The following DPY19L2 variants were observed in gnomAD, a reference collection of about 807,000 sequenced individuals.
DPY19L2 encodes dpy-19 like 2.
A neutral mutation model predicts 97.9 loss-of-function variants in DPY19L2; 34 were observed. The ratio of observed to expected loss-of-function variants is 0.35; its 90% CI spans 0.26 to 0.46. DPY19L2 has a LOEUF of 0.46. Among genes scored for constraint, DPY19L2 ranks in the 20% least tolerant of loss-of-function variants. DPY19L2 has a pLI of 1.00. For missense variants in DPY19L2, 623 were observed against 911.4 expected, an observed-to-expected ratio of 0.68 and a Z score of 4.07; for synonymous variants, 230 against 307.9, an observed-to-expected ratio of 0.75 and a Z score of 2.65.
intron 11 of DPY19L2, among the ~76,000 whole-genome samples, chr12:63,615,756 C>T (rs1228309122): frequency 6.6e-6 from 1 of 151,962 alleles, no homozygotes; most frequent in Non-Finnish European, 1.5e-5. Flanking sequence ...TAGGGCAGTA[C>T]AAGGGAGTGC....
intron 12 of DPY19L2, among the ~76,000 whole-genome samples, chr12:63,608,166 G>A (rs1294866381): frequency 6.6e-6 from 1 of 152,024 alleles, no homozygotes; most frequent in East Asian, 1.9e-4. Context: ...AATGTTAAAA[G>A]GACAAAAGTA....
At chr12:63,619,155 A>T (rs1315363815) in intron 9 of DPY19L2, among the ~76,000 whole-genome samples, 1 of 152,052 alleles carries the variant, frequency 6.6e-6, no homozygotes, top group Non-Finnish European at 1.5e-5. Context: ...TAAAAAAAAA[A>T]TTGGGCCAGG....
intron 7 of DPY19L2, among the ~76,000 whole-genome samples, chr12:63,624,539 A>G (rs1180514635): frequency 6.6e-6 from 1 of 152,152 alleles, no homozygotes; most frequent in Non-Finnish European, 1.5e-5. Context: ...CACCTAGGTC[A>G]TTTGCAAGCA....
chr12:63,576,887 A>G (rs1879941595), intron 19 of DPY19L2, among the ~76,000 whole-genome samples: 1 of 152,136 alleles, frequency 6.6e-6, no homozygotes, highest in South Asian at 2.1e-4. Flanking sequence ...ATTCAATGCA[A>G]TCCCCATCAA....
At chr12:63,564,482 T>C (rs1877254942) in intron 21 of DPY19L2, among the ~76,000 whole-genome samples, 1 of 152,298 alleles carries the variant, frequency 6.6e-6, no homozygotes, top group East Asian at 1.9e-4. Context: ...TGTTTCTTCT[T>C]GACCATGGAT....
intron 19 of DPY19L2, among the ~76,000 whole-genome samples, chr12:63,571,795 AT>A: frequency 6.6e-6 from 1 of 152,286 alleles, no homozygotes; most frequent in East Asian, 1.9e-4. Flanking sequence ...CTTCCATTTC[AT>A]CTCTTGAAAT....
At position 63,560,657 on chromosome 12, in the gene DPY19L2, C is replaced by A. The variant is rs370595717; in HGVS notation, c.2132G>T (p.Gly711Val). 2.5e-6 allele frequency: 4 copies of A among 1,613,772 alleles called. No individual in the cohort carries two copies. Among genetic ancestry groups the A allele is most frequent in the Non-Finnish European group, 3.4e-6 (4 of 1,179,842 alleles). ...ATCCCAGATTTCAAGCATACTGCAA[C>A]CAGGCCTGAAAAAAGACAGACATAT... ...EAWCVVRTKP[G>V]CSMLEIWDVE... is the part of the protein sequence containing the mutation. Residue 711 changes from glycine to valine, a missense_variant, in exon 22 of 22, where the codon GGT becomes GTT. Physicochemically the swap from Gly to Val is moderately radical, Grantham distance 109. Transcript: ENST00000324472.
chr12:63,572,401 CA>C (rs775008196), intron 19 of DPY19L2, among the ~76,000 whole-genome samples: 56 of 152,090 alleles, frequency 3.7e-4, no homozygotes, highest in Non-Finnish European at 7.5e-4. Flanking sequence ...AGCTCAGCTG[CA>C]GTAGGATAGA....
intron 16 of DPY19L2, among the ~76,000 whole-genome samples, chr12:63,592,743 T>A (rs1407423827): frequency 1.1e-4 from 17 of 150,822 alleles, no homozygotes; most frequent in African/African-American, 3.6e-4. Flanking sequence ...GGACTTCATG[T>A]CTAAAACACC....
chr12:63,659,438 T>C (rs1387252443), intron 4 of DPY19L2, among the ~76,000 whole-genome samples: 3 of 150,828 alleles, frequency 2.0e-5, no homozygotes, highest in Non-Finnish European at 3.0e-5. Flanking sequence ...CCCAGATACA[T>C]GTACAAATCC....
At chr12:63,649,265 G>A (rs189367695) in intron 4 of DPY19L2, among the ~76,000 whole-genome samples, 1 of 152,152 alleles carries the variant, frequency 6.6e-6, no homozygotes, top group East Asian at 1.9e-4. Flanking sequence ...CACACCTAGA[G>A]GAACCAGAAA....
chr12:63,625,837 C>T (rs1889437138), intron 7 of DPY19L2, among the ~76,000 whole-genome samples: 1 of 151,640 alleles, frequency 6.6e-6, no homozygotes, highest in African/African-American at 2.4e-5. Flanking sequence ...ATCTGCTATA[C>T]AACATTGTGT....
At chr12:63,578,407 G>C (rs1279720366) in intron 19 of DPY19L2, among the ~76,000 whole-genome samples, 1 of 152,076 alleles carries the variant, frequency 6.6e-6, no homozygotes, top group African/African-American at 2.4e-5. Context: ...ACAGAAGGGT[G>C]ACTATAGTCA....
chr12:63,560,385 A>G lies in DPY19L2; in HGVS notation c.*127T>C. 1.7e-6 allele frequency: 2 copies of G among 1,206,298 alleles called. No homozygotes were observed. The highest frequency in any genetic ancestry group is 2.2e-6 in the Non-Finnish European group (2 of 902,534). The allele number at this position is 1,206,298 out of a possible 1,614,324, so 74.7% of individuals were successfully genotyped here. ...CTTTTAGTAATCAGAAAAATTTCCAATCCATTTTTATCTTATTTTTAAGTG... is the reference window on the plus strand; with the variant it reads ...CTTTTAGTAATCAGAAAAATTTCCAGTCCATTTTTATCTTATTTTTAAGTG... On this transcript the variant is annotated 3_prime_UTR_variant, in exon 22 of 22. Transcript: ENST00000324472.
chr12:63,569,163 A>G, intron 21 of DPY19L2, 61 bp downstream of exon 21: 3 of 1,523,892 alleles, frequency 2.0e-6, no homozygotes, highest in Non-Finnish European at 2.6e-6. Context: ...CTACTATAAT[A>G]AAGTGAAACA....
Position 63,668,137 on chromosome 12 carries a change from C to T in DPY19L2, c.257G>A (p.Arg86His), listed in dbSNP as rs754709318. 6 of 1,613,878 alleles carry T rather than the reference C, an allele frequency of 3.7e-6. No individual in the cohort carries two copies. Among genetic ancestry groups the T allele is most frequent in the Admixed American group, 1.7e-5 (1 of 59,998 alleles). ...TTCCCGGAGCTGCGCCAGGGAATTA[C>T]GGACGAACTGGAAGGGGCCGAGAAG... Reference protein sequence around the residue: ...TFLLGPFQFVRNSLAQLREKV... With the variant: ...TFLLGPFQFVHNSLAQLREKV... Residue 86 changes from arginine (R) to histidine (H), a missense_variant, in exon 1 of 22, where the codon CGT (arginine) becomes CAT (histidine). Arg to His is a conservative substitution (Grantham distance 29). Coordinates refer to ENST00000324472, the MANE Select transcript of DPY19L2 (RefSeq NM_173812.5).
intron 6 of DPY19L2, among the ~76,000 whole-genome samples, chr12:63,633,088 G>A (rs536070535): frequency 1.7e-4 from 26 of 152,176 alleles, no homozygotes; most frequent in Non-Finnish European, 3.1e-4. Flanking sequence ...AGACTTAAAC[G>A]TTAGACCTAA....
At chr12:63,574,162 G>C (rs1318071440) in intron 19 of DPY19L2, among the ~76,000 whole-genome samples, 1 of 151,858 alleles carries the variant, frequency 6.6e-6, no homozygotes, top group Admixed American at 6.6e-5. Flanking sequence ...CAAGAAAAAG[G>C]TAAAAAGTGG....
intron 3 of DPY19L2, among the ~76,000 whole-genome samples, chr12:63,663,484 A>G (rs35033914): frequency 0.033 from 5,089 of 152,242 alleles, 145 homozygotes; most frequent in African/African-American, 0.071. Flanking sequence ...ATTCCCTTTT[A>G]TCACTTCTTC....
Sources: gnomAD v4.1 joint callset for allele counts (sites outside exome capture counted in the v4.1 genomes callset) on GRCh38, gnomAD v4.1.1 for gene constraint, MANE v1.5 for transcripts, NCBI Gene and HGNC (gene_info 2026-07-23, HGNC 2026-07-21) for gene names.